CHST8: variants seen among roughly 807,000 people sequenced by gnomAD.
CHST8 encodes the protein carbohydrate sulfotransferase 8.
Under a neutral mutation model 15.0 loss-of-function variants are expected in CHST8, and 10 were observed. The observed-to-expected ratio is 0.67, with a 90% CI of 0.41 to 1.13. The LOEUF is 1.13. Among genes scored for constraint, CHST8 ranks in the 50% most tolerant of loss-of-function variants. The probability of loss-of-function intolerance (pLI) is 0.00; values close to 1 mark genes in which losing one functional copy is unlikely to be tolerated. For synonymous variants in CHST8, 259 were observed against 256.6 expected (o/e 1.01, Z -0.09); for missense variants, 634 against 608.2 (o/e 1.04, Z -0.45).
At chr19:33,677,662 G>A (rs1327632351) in intron 2 of CHST8, among the ~76,000 whole-genome samples, 2 of 152,142 alleles carry the variant, frequency 1.3e-5, no homozygotes, top group South Asian at 2.1e-4. Context: ...GAAAACAGGA[G>A]CCCAGATACA....
intron 1 of CHST8, among the ~76,000 whole-genome samples, chr19:33,663,838 C>A (rs1972616932): frequency 6.6e-6 from 1 of 152,106 alleles, no homozygotes; most frequent in Non-Finnish European, 1.5e-5. Context: ...CCACCGCACT[C>A]CAGCCTGGGT....
chr19:33,652,526 G>A, intron 1 of CHST8, among the ~76,000 whole-genome samples: 1 of 151,296 alleles, frequency 6.6e-6, no homozygotes, highest in East Asian at 1.9e-4. Flanking sequence ...CAGGCGCCCA[G>A]CAACACGCCC....
At chr19:33,631,428 G>C (rs944634703) in intron 1 of CHST8, among the ~76,000 whole-genome samples, 1 of 152,122 alleles carries the variant, frequency 6.6e-6, no homozygotes, top group African/African-American at 2.4e-5. Flanking sequence ...TGTGCCTGGG[G>C]CTGGGCCTGT....
At chr19:33,693,251 C>T (rs900127352) in intron 3 of CHST8, among the ~76,000 whole-genome samples, 6 of 152,118 alleles carry the variant, frequency 3.9e-5, no homozygotes, top group African/African-American at 1.4e-4. Flanking sequence ...GGTGATCTGC[C>T]CACCTCGGCC....
At chr19:33,728,621 A>C (rs1301112705) in intron 3 of CHST8, among the ~76,000 whole-genome samples, 2 of 152,210 alleles carry the variant, frequency 1.3e-5, no homozygotes, top group African/African-American at 4.8e-5. Context: ...AGCATCCCTG[A>C]GACAGCCACA....
rs562896885 is a variant in CHST8 at position 33,693,798 on chromosome 19, G to A, written c.130+4407G>A. 5.9e-5 allele frequency among the ~76,000 whole-genome samples: 9 copies of A among 152,002 alleles called. No homozygotes were observed. In the East Asian group the frequency reaches 1.6e-3, roughly 26 times the overall value. On this transcript the variant is annotated intron_variant, in intron 3 of 4. Coordinates refer to ENST00000650847, the MANE Select transcript of CHST8 (RefSeq NM_001127895.2). ...AGTTTTGGGGGACAGGAATTCATGG[G>A]TGGTTCTGTATTATTCCATCAGGAG... is the stretch of plus-strand genomic sequence containing the variant.
At chr19:33,741,567 G>A (rs187479666) in intron 3 of CHST8, among the ~76,000 whole-genome samples, 12 of 152,138 alleles carry the variant, frequency 7.9e-5, no homozygotes, top group East Asian at 3.9e-4. Context: ...TTGCAACTGG[G>A]GCTATATCTT....
intron 1 of CHST8, among the ~76,000 whole-genome samples, chr19:33,659,130 A>G (rs1402647644): frequency 1.4e-5 from 2 of 143,760 alleles, no homozygotes; most frequent in Middle Eastern, 3.8e-3. Flanking sequence ...CAGTGGCACA[A>G]TCTCGGCTCA....
At chr19:33,766,937 A>G (rs566007407) in intron 3 of CHST8, among the ~76,000 whole-genome samples, 1 of 152,372 alleles carries the variant, frequency 6.6e-6, no homozygotes, top group East Asian at 1.9e-4. Flanking sequence ...ACCAAGAAGC[A>G]CGACTCAAAC....
chr19:33,671,031 C>T (rs1383381693), intron 2 of CHST8, among the ~76,000 whole-genome samples: 2 of 152,144 alleles, frequency 1.3e-5, no homozygotes, highest in African/African-American at 2.4e-5. Context: ...TCCCAGTCAT[C>T]ACTGTATGTT....
intron 2 of CHST8, among the ~76,000 whole-genome samples, chr19:33,671,517 C>A (rs1568321864): frequency 6.6e-6 from 1 of 152,176 alleles, no homozygotes; most frequent in Admixed American, 6.5e-5. Flanking sequence ...ATCACTGCCC[C>A]CCATTGCTTC....
At chr19:33,637,993 C>G (rs1972227709) in intron 1 of CHST8, among the ~76,000 whole-genome samples, 1 of 151,898 alleles carries the variant, frequency 6.6e-6, no homozygotes, top group Admixed American at 6.6e-5. Context: ...AGGCTGCGCC[C>G]AAATGAGATC....
At chr19:33,727,834 C>G (rs1300386557) in intron 3 of CHST8, among the ~76,000 whole-genome samples, 2 of 152,268 alleles carry the variant, frequency 1.3e-5, no homozygotes, top group Non-Finnish European at 1.5e-5. Context: ...TTTGCACAAG[C>G]CTGTGTGCCT....
intron 3 of CHST8, 58 bp downstream of exon 3, chr19:33,689,449 A>G: frequency 1.3e-6 from 2 of 1,486,402 alleles, no homozygotes; most frequent in African/African-American, 1.4e-5. Flanking sequence ...CCTGAAGCTC[A>G]GGCCTCCACA....
chr19:33,745,282 A>C (rs1974292039), intron 3 of CHST8, among the ~76,000 whole-genome samples: 2 of 152,186 alleles, frequency 1.3e-5, no homozygotes, highest in South Asian at 4.1e-4. Flanking sequence ...CATTGTTCCC[A>C]AATTACTATT....
At chr19:33,643,474 C>T (rs532804834) in intron 1 of CHST8, among the ~76,000 whole-genome samples, 7 of 152,234 alleles carry the variant, frequency 4.6e-5, no homozygotes, top group Non-Finnish European at 1.0e-4. Context: ...TAGCCATTTC[C>T]CCAGCAGGCA....
chr19:33,701,473 C>A (rs1221403675), intron 3 of CHST8, among the ~76,000 whole-genome samples: 1 of 152,038 alleles, frequency 6.6e-6, no homozygotes, highest in South Asian at 2.1e-4. Flanking sequence ...TTAATAGAAA[C>A]GGTCCCAGAA....
At chr19:33,623,992 C>T (rs930608781) in intron 1 of CHST8, among the ~76,000 whole-genome samples, 1 of 152,208 alleles carries the variant, frequency 6.6e-6, no homozygotes, top group Non-Finnish European at 1.5e-5. Flanking sequence ...TATCCAATAG[C>T]ATTTGAACAC....
Position 33,772,073 on chromosome 19 carries a change from TC to T in CHST8, c.286del (p.Gln96AsnfsTer64), listed in dbSNP as rs765462302. 1 of 1,612,442 alleles carries T rather than the reference TC, an allele frequency of 6.2e-7. No individual in the cohort carries two copies. Among genetic ancestry groups the T allele is most frequent in the South Asian group, 1.1e-5 (1 of 91,042 alleles). On this transcript the variant is annotated frameshift_variant, in exon 5 of 5. Coordinates refer to ENST00000650847, the MANE Select transcript of CHST8 (RefSeq NM_001127895.2). LOFTEE classifies it low-confidence loss of function (END_TRUNC). Reference protein sequence around the residue: ...GRNLPAPDQPQPPLQRGTRLR... With the variant: ...GRNLPAPDQPXPPLQRGTRLR... ...GCAACCTGCCAGCGCCTGACCAGCC[TC>T]AACCCCCGCTGCAGAGGGGAACCCG...
Sources: allele counts gnomAD v4.1 joint callset (sites outside exome capture counted in the v4.1 genomes callset), GRCh38; gene constraint gnomAD v4.1.1; transcripts MANE v1.5; gene names NCBI Gene and HGNC (gene_info 2026-07-23, HGNC 2026-07-21).